GGCT: variants seen among roughly 807,000 people sequenced by gnomAD.
The protein encoded by GGCT is gamma-glutamylcyclotransferase, also known as cytochrome c-releasing factor 21.
A neutral mutation model predicts 22.1 loss-of-function variants in GGCT; 20 were observed. The ratio of observed to expected loss-of-function variants is 0.91; its 90% CI spans 0.64 to 1.32. The LOEUF (loss-of-function observed/expected upper bound fraction) is 1.32. GGCT is among the 40% of genes most tolerant of loss of function. GGCT has a pLI of 0.00. For missense variants in GGCT, 209 were observed against 223.5 expected, an observed-to-expected ratio of 0.94 and a Z score of 0.41; for synonymous variants, 72 against 78.4, an observed-to-expected ratio of 0.92 and a Z score of 0.43.
chr7:30,500,530 ACCTACTCATC>A lies in GGCT; in HGVS notation c.283_287+5del. 6.2e-7 allele frequency: 1 copy of A among 1,607,774 alleles called. No individual in the cohort carries two copies. Among genetic ancestry groups the A allele is most frequent in the Non-Finnish European group, 8.5e-7 (1 of 1,174,570 alleles). ...ACTGTTTAACTTATAATTAGAAGCC[ACCTACTCATC>A]CAGAGAATTTAAATTGCTTTTGTTC... On this transcript the variant is annotated splice_donor_variant and splice_donor_5th_base_variant and coding_sequence_variant and intron_variant, in exon 2 of 4. Coordinates refer to ENST00000275428, the MANE Select transcript of GGCT (RefSeq NM_024051.4). LOFTEE classifies it high-confidence loss of function.
In GGCT at chr7:30,496,983, C is replaced by A; in HGVS notation, c.*109G>T. 1 of 648,928 alleles carries A rather than the reference C, an allele frequency of 1.5e-6. No homozygotes were observed. Among genetic ancestry groups the A allele is most frequent in the Non-Finnish European group, 2.5e-6 (1 of 394,438 alleles). 40.2% of individuals were successfully genotyped at this position (648,928 alleles called of 1,614,324 possible). A position where few individuals can be genotyped will look rare whatever the true frequency, so the allele number is the denominator to read the frequency against. ...ACCCAAGTAAGATACTCCTTCAGAGCACTGCTGAAAATGGATCAAACGTGG... is the reference window on the plus strand; with the variant it reads ...ACCCAAGTAAGATACTCCTTCAGAGAACTGCTGAAAATGGATCAAACGTGG... On this transcript the variant is annotated 3_prime_UTR_variant, in exon 4 of 4. Coordinates refer to ENST00000275428, the MANE Select transcript of GGCT (RefSeq NM_024051.4).
At chr7:30,498,707 C>A in intron 3 of GGCT, 96 bp downstream of exon 3, 1 of 1,120,492 alleles carries the variant, frequency 8.9e-7, no homozygotes, top group Non-Finnish European at 1.3e-6. Context: ...GCATGAGCCA[C>A]CACGTTGGGC....
In GGCT at chr7:30,504,822, G is replaced by T; in HGVS notation, c.-113C>A. Reference sequence around the variant, plus strand: ...GTGACCGCCGCGCGGCAGCCTCAGGGTTAGGGGACTGGCGGGAAGCGTGGG... The same window carrying T: ...GTGACCGCCGCGCGGCAGCCTCAGGTTTAGGGGACTGGCGGGAAGCGTGGG... On this transcript the variant is annotated 5_prime_UTR_variant, in exon 1 of 4. Coordinates refer to ENST00000275428, the MANE Select transcript of GGCT (RefSeq NM_024051.4). The T allele has an allele frequency of 9.2e-7, 1 of 1,085,668 alleles. No homozygotes were observed. Among genetic ancestry groups the T allele is most frequent in the Non-Finnish European group, 1.4e-6 (1 of 727,584 alleles). The allele number at this position is 1,085,668 out of a possible 1,614,324, so 67.3% of individuals were successfully genotyped here.
chr7:30,500,254 A>G (rs1789668545), intron 2 of GGCT, among the ~76,000 whole-genome samples: 1 of 152,242 alleles, frequency 6.6e-6, no homozygotes, highest in South Asian at 2.1e-4. Flanking sequence ...CACAGTATGA[A>G]ACTATAAAGA....
intron 1 of GGCT, among the ~76,000 whole-genome samples, chr7:30,501,190 A>G (rs1227195732): frequency 6.6e-6 from 1 of 152,220 alleles, no homozygotes; most frequent in East Asian, 1.9e-4. Context: ...GAACACTAAT[A>G]CTCACGAATT....
In GGCT at chr7:30,498,006, C is replaced by CAT. The variant is rs576048451; in HGVS notation, c.424-773_424-772dup. 8.7e-3 allele frequency: 1,670 copies of CAT among 192,678 alleles called. 11 individuals are homozygous for CAT. Among genetic ancestry groups the CAT allele is most frequent in the African/African-American group, 0.01 (419 of 40,856 alleles). 11.9% of individuals were successfully genotyped at this position (192,678 alleles called of 1,614,324 possible). On this transcript the variant is annotated intron_variant, in intron 3 of 3. Transcript: ENST00000275428. ...TACGGGGAGAAAAACATTACAAAAG[C>CAT]ATATATATATATATATAGATACACA... is the stretch of plus-strand genomic sequence containing the variant.
rs530473945 is a variant in GGCT, at chr7:30,497,344, T to G, written c.424-109A>C. 126 of 705,464 alleles carry G rather than the reference T, an allele frequency of 1.8e-4. No homozygotes were observed. The African/African-American group carries it at 2.3e-3, about 13-fold the overall frequency. The allele number at this position is 705,464 out of a possible 1,614,324, so 43.7% of individuals were successfully genotyped here. On this transcript the variant is annotated intron_variant, in intron 3 of 3. Coordinates refer to ENST00000275428, the MANE Select transcript of GGCT (RefSeq NM_024051.4). ...CTTCTCAAAGTATGAAGTATTAGCT[T>G]TCAGATAACTCTAGAATAAACAATT...
Position 30,504,595 on chromosome 7 carries a change from C to A in GGCT, c.115G>T (p.Ala39Ser), listed in dbSNP as rs1481348931. Residue 39 changes from alanine (A) to serine (S), a missense_variant, in exon 1 of 4, where the codon GCG becomes TCG. Physicochemically the swap from Ala to Ser is moderately conservative, Grantham distance 99. Transcript: ENST00000275428. Reference protein sequence around the residue: ...ERIHLRNPSAAFFCVARLQDF... With the variant: ...ERIHLRNPSASFFCVARLQDF... ...TGCAGGCGGGCCACACAGAAGAACG[C>A]CGCCGAGGGGTTTCGGAGGTGGATC... is the stretch of plus-strand genomic sequence containing the variant. 2 of 1,613,928 alleles carry A rather than the reference C, an allele frequency of 1.2e-6. No individual in the cohort carries two copies. The highest frequency in any genetic ancestry group is 3.3e-5 in the Admixed American group (2 of 60,032).
intron 1 of GGCT, among the ~76,000 whole-genome samples, chr7:30,503,843 G>T (rs2970511): frequency 8.9e-6 from 1 of 112,562 alleles, no homozygotes; most frequent in African/African-American, 3.5e-5. Context: ...TTGCAACTAA[G>T]AACTCACGAT....
chr7:30,502,112 C>T (rs1450358070), intron 1 of GGCT, among the ~76,000 whole-genome samples: 1 of 152,204 alleles, frequency 6.6e-6, no homozygotes, highest in South Asian at 2.1e-4. Flanking sequence ...TCCTCCATTA[C>T]CTGATTTTTA....
In GGCT at chr7:30,504,493, G is replaced by A. The variant is rs1789781225; in HGVS notation, c.141+76C>T. The A allele has an allele frequency of 5.9e-6, 9 of 1,537,642 alleles. No homozygotes were observed. In the Admixed American group the frequency reaches 1.5e-4, roughly 26 times the overall value. ...GAAGAACTGCATTCCTGGCCCGATC[G>A]GCCACGTGTGCCCCCGAGGAAGCGC... On this transcript the variant is annotated intron_variant, in intron 1 of 3. Coordinates refer to ENST00000275428, the MANE Select transcript of GGCT (RefSeq NM_024051.4).
intron 2 of GGCT, among the ~76,000 whole-genome samples, chr7:30,499,391 C>T (rs1789641104): frequency 7.1e-6 from 1 of 141,152 alleles, no homozygotes; most frequent in Non-Finnish European, 1.5e-5. Context: ...TGGGAGACAG[C>T]AAGACTCCAT....
intron 3 of GGCT, chr7:30,497,716 A>T: frequency 7.6e-7 from 1 of 1,317,828 alleles, no homozygotes; most frequent in Non-Finnish European, 9.9e-7. Context: ...AAAAAATTCC[A>T]AACGAGGCCT....
At chr7:30,498,020 TATAG>T (rs1444152995) in intron 3 of GGCT, 4 of 223,976 alleles carry the variant, frequency 1.8e-5, no homozygotes, top group African/African-American at 4.5e-5. Flanking sequence ...TATATATATA[TATAG>T]ATACACACAC....
At chr7:30,504,387 CGGGCAGGGCCGGGCAG>C (rs1789775208) in intron 1 of GGCT, among the ~76,000 whole-genome samples, 166 bp downstream of exon 1, 1 of 152,238 alleles carries the variant, frequency 6.6e-6, no homozygotes, top group African/African-American at 2.4e-5. Context: ...CACCGTGGCC[CGGGCAGGGCCGGGCAG>C]TGGGCGCAGC....
intron 1 of GGCT, among the ~76,000 whole-genome samples, chr7:30,501,981 A>G (rs1214287960): frequency 1.3e-5 from 2 of 152,162 alleles, no homozygotes; most frequent in African/African-American, 4.8e-5. Flanking sequence ...AATCCAATAA[A>G]CTATTTTCAT....
intron 2 of GGCT, 96 bp downstream of exon 2, chr7:30,500,440 T>C (rs1031294766): frequency 1.1e-6 from 1 of 892,614 alleles, no homozygotes; most frequent in African/African-American, 1.7e-5. Context: ...GTCTGTAGTA[T>C]GTGGTTTTGA....
chr7:30,498,280 A>G (rs889188048), intron 3 of GGCT, among the ~76,000 whole-genome samples: 7 of 151,882 alleles, frequency 4.6e-5, no homozygotes, highest in African/African-American at 1.7e-4. Flanking sequence ...TTTAATAAAT[A>G]GTTTTAAAAA....
intron 1 of GGCT, among the ~76,000 whole-genome samples, chr7:30,504,282 A>G (rs1371430435): frequency 3.3e-5 from 5 of 152,242 alleles, no homozygotes; most frequent in Non-Finnish European, 4.4e-5. Context: ...ACTGTATGCA[A>G]TCTGTTAAGT....
Sources: allele counts gnomAD v4.1 joint callset (sites outside exome capture counted in the v4.1 genomes callset), GRCh38; gene constraint gnomAD v4.1.1; transcripts MANE v1.5; gene names NCBI Gene and HGNC (gene_info 2026-07-23, HGNC 2026-07-21).